Variants in LRRTM4 observed in about 807,000 individuals in gnomAD.
LRRTM4 encodes the protein leucine-rich repeat transmembrane neuronal protein 4.
In LRRTM4, 25 loss-of-function variants were observed where a neutral mutation model predicts 47.6. The ratio of observed to expected loss-of-function variants is 0.53; its 90% confidence interval spans 0.38 to 0.73. The LOEUF (loss-of-function observed/expected upper bound fraction) is 0.73. Among genes scored for constraint, LRRTM4 ranks in the 30% least tolerant of loss-of-function variants. The pLI is 0.00. For missense variants in LRRTM4, 638 were observed against 713.4 expected (o/e 0.89, Z 1.20); for synonymous variants, 311 against 269.5 (o/e 1.15, Z -1.51).
At chr2:76,927,236 C>T (rs535889501) in intron 3 of LRRTM4, among the ~76,000 whole-genome samples, 1 of 152,132 alleles carries the variant, frequency 6.6e-6, no homozygotes, top group Admixed American at 6.6e-5. Flanking sequence ...TCTTACATGA[C>T]CACCCTAGGA....
At chr2:76,816,733 C>T (rs912545987) in intron 3 of LRRTM4, among the ~76,000 whole-genome samples, 1 of 150,532 alleles carries the variant, frequency 6.6e-6, no homozygotes, top group Non-Finnish European at 1.5e-5. Context: ...GAAAGCTCCT[C>T]GAGCCTACCT....
chr2:76,782,755 T>G (rs892009634), intron 3 of LRRTM4, among the ~76,000 whole-genome samples: 5 of 152,146 alleles, frequency 3.3e-5, no homozygotes, highest in African/African-American at 1.2e-4. Context: ...ATTGAAGAAA[T>G]CCACATATAA....
At position 76,924,031 on chromosome 2, in the gene LRRTM4, C is replaced by T. The variant is rs114977521; in HGVS notation, c.1552-175115G>A. On this transcript the variant is annotated intron_variant, in intron 3 of 3. Transcript: ENST00000409884. ...CATTTAGGTTTCTTTCTTGAGGAAG[C>T]TCTATTGGGAATATGTGCTGACATT... Among the ~76,000 whole-genome samples the T allele has an allele frequency of 1.7e-3, 265 of 152,082 alleles. 1 individual carries two copies. Among genetic ancestry groups the T allele is most frequent in the Non-Finnish European group, 2.9e-3 (200 of 67,968 alleles).
chr2:77,045,989 TTTTTC>T (rs1382584525), intron 3 of LRRTM4, among the ~76,000 whole-genome samples: 2 of 151,990 alleles, frequency 1.3e-5, no homozygotes, highest in South Asian at 2.1e-4. Context: ...ATTTCCTTCC[TTTTTC>T]TTTTAATTAT....
intron 3 of LRRTM4, among the ~76,000 whole-genome samples, chr2:77,033,782 CTT>C (rs1392352050): frequency 3.3e-5 from 5 of 151,600 alleles, no homozygotes; most frequent in African/African-American, 1.2e-4. Context: ...TTGTTTGTCT[CTT>C]AAAATTTAAT....
At chr2:76,976,161 G>T (rs1448582330) in intron 3 of LRRTM4, among the ~76,000 whole-genome samples, 2 of 151,614 alleles carry the variant, frequency 1.3e-5, no homozygotes, top group Non-Finnish European at 3.0e-5. Context: ...TCCTTTAAAT[G>T]TATAAGCAAT....
At chr2:77,466,627 A>T (rs182040635) in intron 3 of LRRTM4, among the ~76,000 whole-genome samples, 14 of 152,148 alleles carry the variant, frequency 9.2e-5, no homozygotes, top group Admixed American at 7.9e-4. Context: ...ATAAAATTCC[A>T]ATTCTTTGTT....
At position 77,451,891 on chromosome 2, in the gene LRRTM4, G is replaced by A. The variant is rs562113005; in HGVS notation, c.1551+66427C>T. On this transcript the variant is annotated intron_variant, in intron 3 of 3. Coordinates refer to ENST00000409884, the MANE Select transcript of LRRTM4 (RefSeq NM_001134745.3). Reference sequence around the variant, plus strand: ...GGCTGGGCAGAGCCTTTGAGACAAAGGGATTTGTAAAAGTTCAGAGGCTGA... The same window carrying A: ...GGCTGGGCAGAGCCTTTGAGACAAAAGGATTTGTAAAAGTTCAGAGGCTGA... 7.2e-5 allele frequency among the ~76,000 whole-genome samples: 11 copies of A among 152,220 alleles called. No individual in the cohort carries two copies. The East Asian group carries it at 2.1e-3, about 29-fold the overall frequency.
At chr2:77,376,412 T>C (rs991743381) in intron 3 of LRRTM4, among the ~76,000 whole-genome samples, 1 of 139,232 alleles carries the variant, frequency 7.2e-6, no homozygotes, top group Non-Finnish European at 1.5e-5. Context: ...TTTCACAAGA[T>C]TTTTTTTTTT....
In LRRTM4 at chr2:77,218,510, A is replaced by G. The variant is rs1342130044; in HGVS notation, c.1551+299808T>C. 2.0e-5 allele frequency among the ~76,000 whole-genome samples: 3 copies of G among 146,800 alleles called. No homozygotes were observed. The East Asian group carries it at 6.2e-4, about 30-fold the overall frequency. On this transcript the variant is annotated intron_variant, in intron 3 of 3. Coordinates refer to ENST00000409884, the MANE Select transcript of LRRTM4 (RefSeq NM_001134745.3). ...TTCCACTCCATGTTCTGCTTTATTT[A>G]TTTATTTATTTATTTATTTATTTAT...
intron 3 of LRRTM4, among the ~76,000 whole-genome samples, chr2:77,457,651 C>T (rs1332758708): frequency 6.6e-6 from 1 of 152,106 alleles, no homozygotes; most frequent in Non-Finnish European, 1.5e-5. Context: ...AATCTTCCTA[C>T]TGTTCACTTT....
At chr2:76,988,706 G>C (rs1676894631) in intron 3 of LRRTM4, among the ~76,000 whole-genome samples, 1 of 151,652 alleles carries the variant, frequency 6.6e-6, no homozygotes, top group African/African-American at 2.4e-5. Context: ...AAATATTTCT[G>C]TTCTCCAAGA....
At chr2:77,351,109 CCTCT>C (rs1671752953) in intron 3 of LRRTM4, among the ~76,000 whole-genome samples, 1 of 152,038 alleles carries the variant, frequency 6.6e-6, no homozygotes, top group Non-Finnish European at 1.5e-5. Context: ...GCCTATTGTT[CCTCT>C]CTATGTGCTC....
chr2:77,312,759 AG>A (rs1340372111), intron 3 of LRRTM4, among the ~76,000 whole-genome samples: 1 of 152,186 alleles, frequency 6.6e-6, no homozygotes, highest in Non-Finnish European at 1.5e-5. Context: ...ACTGAGTAAA[AG>A]AAAAAAAAAG....
At chr2:77,504,796 T>C (rs1326442725) in intron 3 of LRRTM4, among the ~76,000 whole-genome samples, 1 of 112,922 alleles carries the variant, frequency 8.9e-6, no homozygotes, top group Non-Finnish European at 2.0e-5. Flanking sequence ...GTTTAAGTAT[T>C]ACATAAACAA....
intron 3 of LRRTM4, among the ~76,000 whole-genome samples, chr2:77,173,761 T>G (rs1673117608): frequency 6.6e-6 from 1 of 152,048 alleles, no homozygotes; most frequent in Admixed American, 6.6e-5. Context: ...TCTCACAGCC[T>G]CCACGCCCCC....
In LRRTM4 at chr2:77,277,414, TAG is replaced by T. The variant is rs548243048; in HGVS notation, c.1551+240902_1551+240903del. On this transcript the variant is annotated intron_variant, in intron 3 of 3. Coordinates refer to ENST00000409884, the MANE Select transcript of LRRTM4 (RefSeq NM_001134745.3). Reference sequence around the variant, plus strand: ...TTGTGTATTATAAAAATTTATACTATAGAGTTATAAAAAATAGAGATTAAACA... The same window carrying T: ...TTGTGTATTATAAAAATTTATACTATAGTTATAAAAAATAGAGATTAAACA... 1.4e-4 allele frequency among the ~76,000 whole-genome samples: 22 copies of T among 152,166 alleles called. No homozygotes were observed. In the South Asian group the frequency reaches 3.9e-3, roughly 27 times the overall value.
At chr2:77,160,869 CCATG>C (rs1305476382) in intron 3 of LRRTM4, among the ~76,000 whole-genome samples, 1 of 152,116 alleles carries the variant, frequency 6.6e-6, no homozygotes, top group Non-Finnish European at 1.5e-5. Context: ...TTTTCCTTAT[CCATG>C]CATGATTGCT....
intron 3 of LRRTM4, among the ~76,000 whole-genome samples, chr2:77,438,376 C>T (rs1274303711): frequency 6.9e-6 from 1 of 144,710 alleles, no homozygotes; most frequent in Non-Finnish European, 1.5e-5. Context: ...GCTACATTTT[C>T]GCTCTCGATC....
Sources: allele counts gnomAD v4.1 joint callset (sites outside exome capture counted in the v4.1 genomes callset), GRCh38; gene constraint gnomAD v4.1.1; transcripts MANE v1.5; gene names NCBI Gene and HGNC (gene_info 2026-07-23, HGNC 2026-07-21).